SPATA13: variants seen among roughly 807,000 people sequenced by gnomAD.
The protein encoded by SPATA13 is spermatogenesis associated 13.
A neutral mutation model predicts 104.0 loss-of-function variants in SPATA13; 50 were observed. That is an observed-to-expected ratio of 0.48 (90% CI 0.38 to 0.61). SPATA13 has a LOEUF of 0.61. Ranked by LOEUF, SPATA13 falls within the 20% of genes least tolerant of loss-of-function variation. The pLI is 0.00. For synonymous variants in SPATA13, 606 were observed against 667.5 expected (o/e 0.91, Z 1.42); for missense variants, 1,524 against 1,690.6 (o/e 0.90, Z 1.73).
chr13:24,199,995 G>A (rs1870308261), intron 1 of SPATA13, among the ~76,000 whole-genome samples: 1 of 152,166 alleles, frequency 6.6e-6, no homozygotes, highest in Admixed American at 6.6e-5. Context: ...CTTTATTACA[G>A]TCTGACATTG....
chr13:23,984,353 T>C (rs1413133285), intron 2 of SPATA13, among the ~76,000 whole-genome samples: 2 of 152,268 alleles, frequency 1.3e-5, no homozygotes, highest in Non-Finnish European at 2.9e-5. Flanking sequence ...CATTACTTTA[T>C]ATTCTGCCTT....
chr13:24,173,362 TTG>T (rs60850610), intron 1 of SPATA13, among the ~76,000 whole-genome samples: 24,328 of 146,506 alleles, frequency 0.17, 2,057 homozygotes, highest in Non-Finnish European at 0.2. Context: ...TAGTTCTTAG[TTG>T]TGTGTGTGTG....
chr13:24,129,285 T>C (rs1881322762), intron 3 of SPATA13, among the ~76,000 whole-genome samples: 1 of 152,244 alleles, frequency 6.6e-6, no homozygotes, highest in Non-Finnish European at 1.5e-5. Context: ...CTGTCCCATG[T>C]GAGCATGAGG....
chr13:24,175,920 G>A (rs900316484), intron 1 of SPATA13, among the ~76,000 whole-genome samples: 5 of 152,310 alleles, frequency 3.3e-5, no homozygotes, highest in East Asian at 3.9e-4. Flanking sequence ...AAATAATGCA[G>A]CTTAAATTTG....
intron 1 of SPATA13, among the ~76,000 whole-genome samples, chr13:24,165,997 C>T (rs1027448749): frequency 5.9e-5 from 9 of 152,210 alleles, no homozygotes; most frequent in Non-Finnish European, 1.0e-4. Flanking sequence ...AAATGTGCTC[C>T]ACTTCCACCC....
chr13:24,111,963 ATTC>A (rs1305185493), intron 3 of SPATA13, among the ~76,000 whole-genome samples: 5 of 152,122 alleles, frequency 3.3e-5, no homozygotes, highest in African/African-American at 1.2e-4. Context: ...GCACTTTCTC[ATTC>A]TTATATTCTC....
chr13:24,218,714 T>C (rs1251896762), intron 1 of SPATA13, among the ~76,000 whole-genome samples: 1 of 143,064 alleles, frequency 7.0e-6, no homozygotes, highest in Admixed American at 6.8e-5. Flanking sequence ...AGGGGTTTTT[T>C]TTTTTGCGAT....
chr13:24,133,243 A>C (rs1485278676), intron 3 of SPATA13, among the ~76,000 whole-genome samples: 1 of 152,188 alleles, frequency 6.6e-6, no homozygotes, highest in Non-Finnish European at 1.5e-5. Context: ...CTCTCTGCAC[A>C]GGTTGAAGGG....
Position 24,286,902 on chromosome 13 carries a change from C to G in SPATA13, c.2619C>G (p.Ile873Met). Reference sequence around the variant, plus strand: ...TGCGGACCAACGTCATCCGGGAGATCATGGACACCGAGCGGGTGTACATCA... The same window carrying G: ...TGCGGACCAACGTCATCCGGGAGATGATGGACACCGAGCGGGTGTACATCA... ...QQMRTNVIRE[I>M]MDTERVYIKH... is the part of the protein sequence containing the mutation. Residue 873 changes from isoleucine (I) to methionine (M), a missense_variant, in exon 7 of 13, where the codon ATC (isoleucine) becomes ATG (methionine). Physicochemically the swap from Ile to Met is conservative, Grantham distance 10. Around this residue, in one of 2 missense-constraint regions of SPATA13, gnomAD observed 435 missense variants for 554.8 expected, o/e 0.78. Transcript: ENST00000382108. The surrounding 1 kb of genome is among the most constrained non-coding windows in gnomAD (Gnocchi z 4.9). 1.2e-6 allele frequency: 2 copies of G among 1,613,926 alleles called. No homozygotes were observed. Among genetic ancestry groups the G allele is most frequent in the Non-Finnish European group, 1.7e-6 (2 of 1,180,006 alleles).
rs201478500 is a variant in SPATA13 at position 24,226,532 on chromosome 13, CTG to C, written c.1653+1951_1653+1952del. The stretch of plus-strand genomic sequence containing the variant: ...CTTTATAATTTTCACTTTATAAACA[CTG>C]AGTAATATTACCTTACATAGCTGGA... On this transcript the variant is annotated intron_variant, in intron 2 of 12. Coordinates refer to ENST00000382108, the MANE Select transcript of SPATA13 (RefSeq NM_001166271.3). Among the ~76,000 whole-genome samples the C allele has an allele frequency of 5.7e-3, 863 of 152,294 alleles. 9 individuals carry two copies. Among genetic ancestry groups the C allele is most frequent in the African/African-American group, 0.02 (830 of 41,556 alleles).
At chr13:24,231,920 T>G (rs11617302) in intron 2 of SPATA13, among the ~76,000 whole-genome samples, 1 of 152,120 alleles carries the variant, frequency 6.6e-6, no homozygotes, top group South Asian at 2.1e-4. Context: ...GAAGTGCCGA[T>G]TCAGATCTTT....
chr13:24,018,239 T>C (rs1377685710), intron 3 of SPATA13, among the ~76,000 whole-genome samples: 1 of 152,216 alleles, frequency 6.6e-6, no homozygotes, highest in African/African-American at 2.4e-5. Context: ...AAATATGACA[T>C]ACTTAAGTCC....
At chr13:23,990,633 T>C (rs1034612725) in intron 2 of SPATA13, among the ~76,000 whole-genome samples, 5 of 152,198 alleles carry the variant, frequency 3.3e-5, no homozygotes, top group African/African-American at 9.7e-5. Context: ...GCATGTCCCT[T>C]AGCTTGCAAA....
intron 3 of SPATA13, among the ~76,000 whole-genome samples, chr13:24,057,618 C>T (rs1202881830): frequency 6.8e-6 from 1 of 146,648 alleles, no homozygotes; most frequent in Non-Finnish European, 1.6e-5. Flanking sequence ...TCTTTGTTTT[C>T]TCTCCACCCT....
chr13:24,193,584 G>A (rs561285281), intron 1 of SPATA13, among the ~76,000 whole-genome samples: 1 of 152,278 alleles, frequency 6.6e-6, no homozygotes, highest in East Asian at 1.9e-4. Flanking sequence ...ACCTTGGGAA[G>A]GGGCAGGAAC....
In SPATA13 at chr13:24,291,754, T is replaced by A. The variant is rs953221518; in HGVS notation, c.3080+870T>A. ...TCTCTGTCTTTATTTTTTTATTTTT[T>A]TATTTTTTTTTTTGAGACGGAGTCT... On this transcript the variant is annotated intron_variant, in intron 9 of 12. Transcript: ENST00000382108. Among the ~76,000 whole-genome samples the A allele has an allele frequency of 1.0e-3, 83 of 82,468 alleles. 3 individuals are homozygous for A. The highest frequency in any genetic ancestry group is 1.5e-3 in the African/African-American group (30 of 20,050). 54.1% of individuals were successfully genotyped at this position (82,468 alleles called of 152,430 possible). A position where few individuals can be genotyped will look rare whatever the true frequency, so the allele number is the denominator to read the frequency against.
Position 24,306,253 on chromosome 13 carries a change from G to A in SPATA13, c.*3480G>A, listed in dbSNP as rs146583311. On this transcript the variant is annotated 3_prime_UTR_variant, in exon 13 of 13. Coordinates refer to ENST00000382108, the MANE Select transcript of SPATA13 (RefSeq NM_001166271.3). ...TATTTTGTAAAAGCCAGCTGAACCA[G>A]CATTTTATCAGGTGGAAATCTCTGC... is the stretch of plus-strand genomic sequence containing the variant. 1.3e-4 allele frequency: 20 copies of A among 152,300 alleles called. No homozygotes were observed. Among genetic ancestry groups the A allele is most frequent in the African/African-American group, 4.6e-4 (19 of 41,558 alleles). The allele number at this position is 152,300 out of a possible 1,614,324, so 9.4% of individuals were successfully genotyped here.
At chr13:24,097,498 G>C (rs1446037965) in intron 3 of SPATA13, among the ~76,000 whole-genome samples, 1 of 152,152 alleles carries the variant, frequency 6.6e-6, no homozygotes, top group East Asian at 1.9e-4. Context: ...AAAAATACTA[G>C]ATTCTGGGGA....
At chr13:24,134,415 T>C (rs1881488542) in intron 3 of SPATA13, among the ~76,000 whole-genome samples, 1 of 152,188 alleles carries the variant, frequency 6.6e-6, no homozygotes, top group Admixed American at 6.5e-5. Flanking sequence ...TGCTGTTGTT[T>C]ATCACAGAGG....
Sources: gnomAD v4.1 joint callset for allele counts (sites outside exome capture counted in the v4.1 genomes callset) on GRCh38, gnomAD v4.1.1 for gene constraint, gnomAD v4.1.1 regional missense constraint, Gnocchi (gnomAD v3.1) non-coding constraint, MANE v1.5 for transcripts, NCBI Gene and HGNC (gene_info 2026-07-23, HGNC 2026-07-21) for gene names.